The following LAMB1 variants were observed in gnomAD, a reference collection of about 807,000 sequenced individuals.
LAMB1 encodes laminin subunit beta 1.
LAMB1 carries 121 observed loss-of-function variants against 222.3 expected under a neutral mutation model. That is an observed-to-expected ratio of 0.54 (90% CI 0.47 to 0.63). The LOEUF is 0.63. Among genes scored for constraint, LAMB1 ranks in the 30% least tolerant of loss-of-function variants. The pLI, the probability that LAMB1 is intolerant of heterozygous loss-of-function variation, is 0.00. For missense variants in LAMB1, 2,172 were observed against 2,240.8 expected (o/e 0.97, Z 0.62); for synonymous variants, 794 against 807.2 (o/e 0.98, Z 0.28).
At position 107,985,933 on chromosome 7, in the gene LAMB1, G is replaced by T. The variant is rs1001187429; in HGVS notation, c.676+89C>A. ...GATCGCACCATTGCACTCCAGCCTG[G>T]GCAACAAGAGCGGAACTCTGTCTCA... On this transcript the variant is annotated intron_variant, in intron 7 of 33. Transcript: ENST00000222399. 22 of 1,020,818 alleles carry T rather than the reference G, an allele frequency of 2.2e-5. No individual in the cohort carries two copies. In the African/African-American group the frequency reaches 3.4e-4, roughly 16 times the overall value. 63.2% of individuals were successfully genotyped at this position (1,020,818 alleles called of 1,614,324 possible). A position where few individuals can be genotyped will look rare whatever the true frequency, so the allele number is the denominator to read the frequency against.
chr7:107,978,650 T>G (rs1319853819), intron 8 of LAMB1, among the ~76,000 whole-genome samples: 1 of 152,032 alleles, frequency 6.6e-6, no homozygotes, highest in Non-Finnish European at 1.5e-5. Context: ...TATTTTAGTT[T>G]TTTTTACTTC....
chr7:107,953,694 G>A lies in LAMB1; in HGVS notation c.2915C>T (p.Ser972Leu), dbSNP rs547247575. ...YFGNPSEVGG[S>L]CQPCQCHNNI... is the part of the protein sequence containing the mutation. The stretch of plus-strand genomic sequence containing the variant: ...GTTGTGACACTGGCAAGGCTGACAC[G>A]ACCCCCCAACTTCTGATGGATTGCC... The change falls in exon 22 of 34, where the codon TCG (serine) becomes TTG (leucine). Residue 972 changes from serine (S) to leucine (L), a missense_variant. Transcript: ENST00000222399. The A allele has an allele frequency of 1.5e-5, 25 of 1,614,134 alleles. No individual in the cohort carries two copies. The highest frequency in any genetic ancestry group is 1.1e-4 in the African/African-American group (8 of 75,010).
At chr7:107,971,506 C>A (rs2033748490) in intron 13 of LAMB1, among the ~76,000 whole-genome samples, 1 of 152,222 alleles carries the variant, frequency 6.6e-6, no homozygotes, top group African/African-American at 2.4e-5. Flanking sequence ...GGGACAACAA[C>A]TTTGAAAAGG....
At chr7:107,928,731 G>A (rs1207453206) in intron 31 of LAMB1, among the ~76,000 whole-genome samples, 1 of 152,148 alleles carries the variant, frequency 6.6e-6, no homozygotes, top group Non-Finnish European at 1.5e-5. Context: ...GACCTCAAAT[G>A]ACCCACCCAC....
intron 13 of LAMB1, among the ~76,000 whole-genome samples, chr7:107,970,506 G>GC (rs1554409101): frequency 7.8e-5 from 2 of 25,502 alleles, no homozygotes; most frequent in Non-Finnish European, 1.5e-4. Flanking sequence ...AAAAAAAAAA[G>GC]GGGGGGGTGG....
chr7:107,959,877 C>T (rs768337944), intron 18 of LAMB1, 43 bp from the exon 19 acceptor site: 1 of 1,591,558 alleles, frequency 6.3e-7, no homozygotes, highest in African/African-American at 1.3e-5. Context: ...CGGAGCAGCA[C>T]ATCATCGGGC....
At chr7:107,987,495 G>C (rs2034101935) in intron 5 of LAMB1, among the ~76,000 whole-genome samples, 1 of 152,150 alleles carries the variant, frequency 6.6e-6, no homozygotes, top group Non-Finnish European at 1.5e-5. Flanking sequence ...TCACAGAGAA[G>C]AAGGCATCAA....
chr7:107,949,331 A>C (rs1347570143), intron 24 of LAMB1, among the ~76,000 whole-genome samples: 1 of 152,242 alleles, frequency 6.6e-6, no homozygotes, highest in Non-Finnish European at 1.5e-5. Context: ...TAACAAAGCT[A>C]AGATGGAGCC....
At chr7:108,002,082 T>G (rs530597743) in intron 2 of LAMB1, 1 of 1,469,502 alleles carries the variant, frequency 6.8e-7, no homozygotes, top group African/African-American at 1.5e-5. Context: ...CTTCGACGTG[T>G]CCGGAGCCCG....
At chr7:107,977,645 G>T (rs892547908) in intron 9 of LAMB1, among the ~76,000 whole-genome samples, 1 of 152,056 alleles carries the variant, frequency 6.6e-6, no homozygotes, top group African/African-American at 2.4e-5. Flanking sequence ...AAAAAAATTA[G>T]CAGGGCATGG....
chr7:107,927,439 A>G lies in LAMB1; in HGVS notation c.4888-1080T>C, dbSNP rs2116313598. On this transcript the variant is annotated intron_variant, in intron 31 of 33. Coordinates refer to ENST00000222399, the MANE Select transcript of LAMB1 (RefSeq NM_002291.3). ...TTCAGTATTTTCTAATTTGCTTTTC[A>G]GAACAATTTTTTTCAAGAAACAGGG... Among the ~76,000 whole-genome samples the G allele has an allele frequency of 2.0e-5, 3 of 152,266 alleles. 1 individual carries two copies. In the Middle Eastern group the frequency reaches 0.01, roughly 518 times the overall value.
intron 4 of LAMB1, 85 bp downstream of exon 4, chr7:107,998,272 T>TA: frequency 7.3e-7 from 1 of 1,371,428 alleles, no homozygotes; most frequent in Non-Finnish European, 1.0e-6. Flanking sequence ...AAGTGAATCA[T>TA]AATTACAAAC....
intron 12 of LAMB1, among the ~76,000 whole-genome samples, chr7:107,974,389 GC>G (rs2033810954): frequency 1.3e-5 from 2 of 151,370 alleles, no homozygotes; most frequent in South Asian, 4.2e-4. Context: ...AGCAGCATGA[GC>G]ATTTCCTGAT....
chr7:108,002,921 A>G lies in LAMB1; in HGVS notation c.-36T>C, dbSNP rs1284934478. The stretch of plus-strand genomic sequence containing the variant: ...TGCAGCCACGGGGACGCGGCAGAGG[A>G]GTGGAGAAGACGCCCGCCGAGCCGC... On this transcript the variant is annotated 5_prime_UTR_variant, in exon 2 of 34. Coordinates refer to ENST00000222399, the MANE Select transcript of LAMB1 (RefSeq NM_002291.3). 4 of 1,612,182 alleles carry G rather than the reference A, an allele frequency of 2.5e-6. No homozygotes were observed. The highest frequency in any genetic ancestry group is 2.2e-5 in the East Asian group (1 of 44,798).
chr7:107,925,689 G>A (rs1047013033), intron 32 of LAMB1, among the ~76,000 whole-genome samples: 16 of 152,176 alleles, frequency 1.1e-4, no homozygotes, highest in Non-Finnish European at 1.5e-4. Flanking sequence ...GCAAAATATA[G>A]TGCCTTCGAA....
intron 5 of LAMB1, among the ~76,000 whole-genome samples, chr7:107,992,398 C>T (rs1563008606): frequency 6.6e-6 from 1 of 152,338 alleles, no homozygotes; most frequent in East Asian, 1.9e-4. Flanking sequence ...GGAGGGCAGT[C>T]ACTGTGCTAT....
At position 107,955,167 on chromosome 7, in the gene LAMB1, G is replaced by C. The variant is rs3735600; in HGVS notation, c.2854+300C>G. Among the ~76,000 whole-genome samples, 4 of 152,258 alleles carry C rather than the reference G, an allele frequency of 2.6e-5. No homozygotes were observed. In the East Asian group the frequency reaches 7.7e-4, roughly 29 times the overall value. ...GCTAGGAGTTGGATAAAGAAAGGCA[G>C]GAGTAAAACTTAAGTTAATCTTTCT... On this transcript the variant is annotated intron_variant, in intron 21 of 33. Transcript: ENST00000222399.
intron 2 of LAMB1, chr7:108,002,110 C>A: frequency 6.8e-7 from 1 of 1,478,848 alleles, no homozygotes; most frequent in Non-Finnish European, 9.0e-7. Context: ...GAGGCTGACC[C>A]CCAAAGGGCC....
In LAMB1 at chr7:107,953,764, G is replaced by A. The variant is rs189006989; in HGVS notation, c.2855-10C>T. On this transcript the variant is annotated splice_polypyrimidine_tract_variant and intron_variant, in intron 21 of 33. Coordinates refer to ENST00000222399, the MANE Select transcript of LAMB1 (RefSeq NM_002291.3). Reference sequence around the variant, plus strand: ...TCGTCACATCTGGAACCTGTCACCCGATAAAACCAAACACAAGATGTTTAG... The same window carrying A: ...TCGTCACATCTGGAACCTGTCACCCAATAAAACCAAACACAAGATGTTTAG... The A allele has an allele frequency of 5.0e-5, 81 of 1,611,922 alleles. No homozygotes were observed. Among genetic ancestry groups the A allele is most frequent in the East Asian group, 4.2e-4 (19 of 44,866 alleles).
Sources: allele counts gnomAD v4.1 joint callset (sites outside exome capture counted in the v4.1 genomes callset), GRCh38; gene constraint gnomAD v4.1.1; transcripts MANE v1.5; gene names NCBI Gene and HGNC (gene_info 2026-07-23, HGNC 2026-07-21).